The following NYAP2 variants were observed in gnomAD, a reference collection of about 807,000 sequenced individuals.
The protein encoded by NYAP2 is neuronal tyrosine-phosphorylated phosphoinositide-3-kinase adaptor 2, also known as neuronal tyrosine-phosphorylated phosphoinositide-3-kinase adapter 2.
NYAP2 carries 23 observed loss-of-function variants against 50.4 expected under a neutral mutation model. The ratio of observed to expected loss-of-function variants is 0.46; its 90% confidence interval spans 0.33 to 0.65. The LOEUF (loss-of-function observed/expected upper bound fraction) is 0.65. NYAP2 is among the 30% of genes least tolerant of loss of function. The probability of loss-of-function intolerance (pLI) is 0.02; values close to 1 mark genes in which losing one functional copy is unlikely to be tolerated. For synonymous variants in NYAP2, 394 were observed against 365.2 expected (o/e 1.08, Z -0.90); for missense variants, 885 against 861.0 (o/e 1.03, Z -0.35).
Position 225,546,964 on chromosome 2 carries a change from G to C in NYAP2, c.523+33292G>C, listed in dbSNP as rs76981738. Among the ~76,000 whole-genome samples, 674 of 152,250 alleles carry C rather than the reference G, an allele frequency of 4.4e-3. 7 individuals are homozygous for C. The highest frequency in any genetic ancestry group is 0.014 in the African/African-American group (571 of 41,546). On this transcript the variant is annotated intron_variant, in intron 4 of 6. Coordinates refer to ENST00000636099, the Ensembl canonical transcript of NYAP2. ...GCAGTGGGTTTTCTTCAGGCCCAGAGTGTGTCTAGAAAGGTCATATGGGAA... is the reference window on the plus strand; with the variant it reads ...GCAGTGGGTTTTCTTCAGGCCCAGACTGTGTCTAGAAAGGTCATATGGGAA...
At chr2:225,494,641 T>C (rs1421739916) in intron 3 of NYAP2, among the ~76,000 whole-genome samples, 1 of 152,228 alleles carries the variant, frequency 6.6e-6, no homozygotes, top group Non-Finnish European at 1.5e-5. Flanking sequence ...TTATAGGCCT[T>C]CCATACGCTT....
At chr2:225,437,159 C>A (rs956358150) in intron 3 of NYAP2, among the ~76,000 whole-genome samples, 1 of 151,808 alleles carries the variant, frequency 6.6e-6, no homozygotes, top group Non-Finnish European at 1.5e-5. Flanking sequence ...GTTTCTAAAA[C>A]CAAGCAGCCA....
At chr2:225,543,484 A>T (rs1250928338) in intron 4 of NYAP2, among the ~76,000 whole-genome samples, 1 of 151,786 alleles carries the variant, frequency 6.6e-6, no homozygotes, top group Non-Finnish European at 1.5e-5. Context: ...AAATTTTCCA[A>T]TTTTCTTCTT....
At chr2:225,480,962 A>T (rs975019842) in intron 3 of NYAP2, among the ~76,000 whole-genome samples, 1 of 151,966 alleles carries the variant, frequency 6.6e-6, no homozygotes, top group Non-Finnish European at 1.5e-5. Context: ...TGATGTAATG[A>T]CTCCCTAACA....
chr2:225,419,076 T>G (rs62187058), intron 3 of NYAP2, among the ~76,000 whole-genome samples: 13,137 of 152,178 alleles, frequency 0.086, 717 homozygotes, highest in East Asian at 0.17. Flanking sequence ...TGCCTAGAGG[T>G]CTCTGCCTTT....
At chr2:225,514,780 G>A (rs1210700053) in intron 4 of NYAP2, among the ~76,000 whole-genome samples, 3 of 152,152 alleles carry the variant, frequency 2.0e-5, no homozygotes, top group Non-Finnish European at 2.9e-5. Flanking sequence ...GTTTGAGAGA[G>A]GCGTTCCACC....
intron 5 of NYAP2, among the ~76,000 whole-genome samples, chr2:225,617,744 C>T (rs1408776851): frequency 1.3e-5 from 2 of 152,158 alleles, no homozygotes; most frequent in East Asian, 3.9e-4. Context: ...GCAACTAACT[C>T]ATGTTCTCCA....
At chr2:225,620,739 AAC>A (rs1693084631) in intron 5 of NYAP2, among the ~76,000 whole-genome samples, 2 of 152,140 alleles carry the variant, frequency 1.3e-5, no homozygotes, top group Admixed American at 6.5e-5. Context: ...AGAAGAGAAA[AAC>A]ACACACACAA....
intron 5 of NYAP2, among the ~76,000 whole-genome samples, chr2:225,625,316 A>T (rs1693190629): frequency 1.3e-5 from 2 of 152,218 alleles, no homozygotes; most frequent in Admixed American, 6.5e-5. Context: ...TAAATTAATT[A>T]AATTAAAAAT....
chr2:225,578,583 G>A (rs992844058), intron 4 of NYAP2, among the ~76,000 whole-genome samples: 2 of 152,202 alleles, frequency 1.3e-5, no homozygotes, highest in Admixed American at 6.5e-5. Flanking sequence ...GCCATGTGGT[G>A]GAAGGGTGCT....
chr2:225,549,659 C>T (rs1364062547), intron 4 of NYAP2, among the ~76,000 whole-genome samples: 2 of 152,086 alleles, frequency 1.3e-5, no homozygotes, highest in African/African-American at 4.8e-5. Flanking sequence ...ACAAAATCAC[C>T]TTGGGAGAAA....
rs571887973 is a variant in NYAP2, at chr2:225,511,327, AACACACAC to A, written c.222-2004_222-1997del. On this transcript the variant is annotated intron_variant, in intron 3 of 6. Transcript: ENST00000636099. ...GTATGTCTTAATTGCCGTTCTTTAA[AACACACAC>A]ACACACACACACACACACACACACA... Among the ~76,000 whole-genome samples, 1,067 of 129,874 alleles carry A rather than the reference AACACACAC, an allele frequency of 8.2e-3. 6 individuals are homozygous for A. The highest frequency in any genetic ancestry group is 0.018 in the African/African-American group (602 of 33,114). 85.2% of individuals were successfully genotyped at this position (129,874 alleles called of 152,430 possible).
At chr2:225,509,709 C>T (rs910988794) in intron 3 of NYAP2, among the ~76,000 whole-genome samples, 3 of 152,114 alleles carry the variant, frequency 2.0e-5, no homozygotes, top group Non-Finnish European at 2.9e-5. Context: ...GACCTTTTAA[C>T]TCTGTAGAGT....
intron 4 of NYAP2, among the ~76,000 whole-genome samples, chr2:225,553,933 T>A (rs1324335342): frequency 1.3e-5 from 2 of 152,124 alleles, no homozygotes; most frequent in Non-Finnish European, 2.9e-5. Context: ...GGCAGGAGAA[T>A]CGCTTGAACT....
chr2:225,699,238 T>G, the NYAP2 span: 1 of 151,960 alleles, frequency 6.6e-6, no homozygotes, highest in Non-Finnish European at 1.5e-5. Context: ...TAGTAATAAC[T>G]AAGCAATGGT....
At chr2:225,426,025 G>GA (rs1042511339) in intron 3 of NYAP2, among the ~76,000 whole-genome samples, 5 of 151,454 alleles carry the variant, frequency 3.3e-5, no homozygotes, top group African/African-American at 1.2e-4. Flanking sequence ...ACATCAAGAT[G>GA]AAAAAAATAA....
chr2:225,686,130 T>C, the NYAP2 span, among the ~76,000 whole-genome samples: 72 of 152,272 alleles, frequency 4.7e-4, 1 homozygote, highest in African/African-American at 1.6e-3. Flanking sequence ...GTTTTCATTG[T>C]ATGTCTGGTT....
the NYAP2 span, among the ~76,000 whole-genome samples, chr2:225,674,531 G>A: frequency 6.6e-6 from 1 of 152,040 alleles, no homozygotes; most frequent in Non-Finnish European, 1.5e-5. Flanking sequence ...AGGTGCTACA[G>A]TGATTAGCGG....
At chr2:225,605,204 C>T (rs1692764973) in intron 5 of NYAP2, among the ~76,000 whole-genome samples, 1 of 152,030 alleles carries the variant, frequency 6.6e-6, no homozygotes, top group Non-Finnish European at 1.5e-5. Context: ...GGCATTTTTC[C>T]ATCTGCCTGT....
Sources: gnomAD v4.1 joint callset for allele counts (sites outside exome capture counted in the v4.1 genomes callset) on GRCh38, gnomAD v4.1.1 for gene constraint, MANE v1.5 for transcripts, NCBI Gene and HGNC (gene_info 2026-07-23, HGNC 2026-07-21) for gene names.